Variants in SF3B3 observed in about 807,000 individuals in gnomAD.
SF3B3 encodes the protein splicing factor 3b subunit 3.
SF3B3 carries 33 observed loss-of-function variants against 139.2 expected under a neutral mutation model. The ratio of observed to expected loss-of-function variants is 0.24; its 90% CI spans 0.18 to 0.32. The LOEUF (loss-of-function observed/expected upper bound fraction) is 0.32, where lower values mean the gene tolerates loss of function less well. SF3B3 is among the 10% of genes least tolerant of loss of function. The pLI is 1.00. For missense variants in SF3B3, 818 were observed against 1,509.4 expected, an observed-to-expected ratio of 0.54 and a Z score of 7.59; for synonymous variants, 596 against 563.6, an observed-to-expected ratio of 1.06 and a Z score of -0.81.
Position 70,530,623 on chromosome 16 carries a change from A to C in SF3B3, c.398-122A>C, listed in dbSNP as rs1209640807. ...AGAAAACAGAATCCTGAGTTTTTAT[A>C]CTTGTAGAGTTACTGCTGTTAATAA... is the stretch of plus-strand genomic sequence containing the variant. On this transcript the variant is annotated intron_variant, in intron 3 of 25. Coordinates refer to ENST00000302516, the MANE Select transcript of SF3B3 (RefSeq NM_012426.5). The C allele has an allele frequency of 3.5e-6, 3 of 853,938 alleles. No individual in the cohort carries two copies. In the South Asian group the frequency reaches 5.2e-5, roughly 15 times the overall value. The allele number at this position is 853,938 out of a possible 1,614,324, so 52.9% of individuals were successfully genotyped here.
chr16:70,546,618 T>C (rs1373810524), intron 10 of SF3B3, among the ~76,000 whole-genome samples: 1 of 152,046 alleles, frequency 6.6e-6, no homozygotes, highest in Non-Finnish European at 1.5e-5. Context: ...GCCACTGTAC[T>C]CCAGCTTGGG....
intron 18 of SF3B3, 35 bp downstream of exon 18, chr16:70,564,085 G>T (rs368539163): frequency 3.0e-4 from 481 of 1,599,088 alleles, no homozygotes; most frequent in Non-Finnish European, 3.8e-4. Flanking sequence ...TCTATTAAAA[G>T]ATGTGTGAAA....
intron 10 of SF3B3, among the ~76,000 whole-genome samples, chr16:70,546,760 A>G (rs1460583586): frequency 6.6e-6 from 1 of 152,226 alleles, no homozygotes; most frequent in Admixed American, 6.5e-5. Context: ...TCAAATCTAT[A>G]GACAAACCTT....
At chr16:70,569,937 G>C (rs2050512500) in intron 23 of SF3B3, 69 bp from the exon 24 acceptor site, 1 of 1,578,564 alleles carries the variant, frequency 6.3e-7, no homozygotes, top group Non-Finnish European at 8.7e-7. Flanking sequence ...AGGGAGCACT[G>C]CTTGCCCTTG....
chr16:70,571,435 G>A (rs1181199801), intron 25 of SF3B3, among the ~76,000 whole-genome samples: 6 of 152,114 alleles, frequency 3.9e-5, no homozygotes, highest in African/African-American at 1.2e-4. Context: ...AAGTTTTCCC[G>A]GTCTGGGCGT....
chr16:70,561,812 G>C (rs772235455), intron 17 of SF3B3, 28 bp downstream of exon 17: 2 of 1,604,114 alleles, frequency 1.2e-6, no homozygotes, highest in East Asian at 2.2e-5. Context: ...TTGAAGCTCA[G>C]CAGGAAGCCT....
intron 5 of SF3B3, among the ~76,000 whole-genome samples, chr16:70,534,795 A>C (rs1440172234): frequency 6.6e-6 from 1 of 152,018 alleles, no homozygotes; most frequent in Non-Finnish European, 1.5e-5. Context: ...CAGCCTCCCG[A>C]GTAGCTGGGA....
intron 18 of SF3B3, 66 bp from the exon 19 acceptor site, chr16:70,564,999 A>T: frequency 6.8e-7 from 1 of 1,477,882 alleles, no homozygotes; most frequent in African/African-American, 1.4e-5. Context: ...CTTGCTACCT[A>T]TCCTCTTCTC....
At chr16:70,554,200 T>A (rs557643116) in intron 11 of SF3B3, 1 of 381,938 alleles carries the variant, frequency 2.6e-6, no homozygotes, top group South Asian at 3.6e-5. Flanking sequence ...TGCTTTGTCC[T>A]CTCACTTCTT....
chr16:70,532,199 G>A (rs2050127578), intron 4 of SF3B3, among the ~76,000 whole-genome samples: 1 of 152,032 alleles, frequency 6.6e-6, no homozygotes, highest in Admixed American at 6.6e-5. Flanking sequence ...GGCTGAGGCA[G>A]GAGAATCACT....
intron 1 of SF3B3, 93 bp downstream of exon 1, chr16:70,524,021 CAGTCT>C: frequency 2.5e-6 from 1 of 405,846 alleles, no homozygotes; most frequent in Non-Finnish European, 4.3e-6. Flanking sequence ...GGGTCACGGG[CAGTCT>C]AGGCCCGAGA....
chr16:70,529,028 G>T lies in SF3B3; in HGVS notation c.226G>T (p.Asp76Tyr). The part of the protein sequence containing the change: ...MAFRLTGGTK[D>Y]YIVVGSDSGR... Reference sequence around the variant, plus strand: ...CTTTAGGCTGACAGGTGGCACCAAAGACTACATTGTAGTTGGCAGTGACTC... The same window carrying T: ...CTTTAGGCTGACAGGTGGCACCAAATACTACATTGTAGTTGGCAGTGACTC... The change falls in exon 3 of 26, where the codon GAC becomes TAC. Residue 76 changes from aspartate (D) to tyrosine (Y), a missense_variant. Asp to Tyr is a radical substitution (Grantham distance 160). This residue lies in a region of SF3B3 where 144 missense variants were observed against 259.2 expected (regional missense o/e 0.56). Transcript: ENST00000302516. 2 of 1,614,214 alleles carry T rather than the reference G, an allele frequency of 1.2e-6. No homozygotes were observed. Among genetic ancestry groups the T allele is most frequent in the Non-Finnish European group, 1.7e-6 (2 of 1,180,048 alleles).
intron 11 of SF3B3, among the ~76,000 whole-genome samples, chr16:70,553,880 C>T (rs1332053882): frequency 6.6e-6 from 1 of 152,174 alleles, no homozygotes; most frequent in Non-Finnish European, 1.5e-5. Context: ...CAACCCCCAC[C>T]CTCCATTTCC....
chr16:70,550,659 G>A, intron 11 of SF3B3: 2 of 985,800 alleles, frequency 2.0e-6, no homozygotes, highest in African/African-American at 1.7e-5. Context: ...GGTGGCTGGT[G>A]AAGGTGCTGA....
intron 23 of SF3B3, 107 bp downstream of exon 23, chr16:70,569,248 G>A (rs1305533094): frequency 8.3e-6 from 6 of 719,034 alleles, no homozygotes; most frequent in Non-Finnish European, 1.4e-5. Flanking sequence ...ACACGACTGT[G>A]CTGAGTGCTG....
rs1241436403 is a variant in SF3B3 at position 70,565,428 on chromosome 16, C to T, written c.2730C>T (p.Ala910=). 2.5e-6 allele frequency: 4 copies of T among 1,614,084 alleles called. No homozygotes were observed. ...GEDWYVLVGV[A]KDLILNPRSV... Reference sequence around the variant, plus strand: ...ACTGGTATGTGCTGGTGGGTGTGGCCAAGGACCTGATACTAAACCCCCGAT... The same window carrying T: ...ACTGGTATGTGCTGGTGGGTGTGGCTAAGGACCTGATACTAAACCCCCGAT... Residue 910 remains alanine, a synonymous_variant, in exon 20 of 26, where the codon GCC becomes GCT. Coordinates refer to ENST00000302516, the MANE Select transcript of SF3B3 (RefSeq NM_012426.5).
intron 11 of SF3B3, among the ~76,000 whole-genome samples, chr16:70,548,879 A>C (rs1320646227): frequency 6.6e-6 from 1 of 152,238 alleles, no homozygotes; most frequent in Non-Finnish European, 1.5e-5. Context: ...AAAGCTTGTT[A>C]GTCAATCTTG....
intron 16 of SF3B3, among the ~76,000 whole-genome samples, chr16:70,561,181 C>G (rs2050425157): frequency 6.6e-6 from 1 of 152,140 alleles, no homozygotes; most frequent in Non-Finnish European, 1.5e-5. Context: ...CCACCACGCC[C>G]AGCTAATTTT....
rs1255074126 is a variant in SF3B3, at chr16:70,571,166, C to T, written c.3480C>T (p.His1160=). Residue 1160 remains histidine, a synonymous_variant, in exon 25 of 26, where the codon CAC becomes CAT. Transcript: ENST00000302516. Reference sequence around the variant, plus strand: ...ATCCCCCTCTCTGTGGGCGGGACCACCTCAGCTTTCGCTCCTACTACTTCC... The same window carrying T: ...ATCCCCCTCTCTGTGGGCGGGACCATCTCAGCTTTCGCTCCTACTACTTCC... ...SEHPPLCGRD[H]LSFRSYYFPV... 1 of 1,613,870 alleles carries T rather than the reference C, an allele frequency of 6.2e-7. No individual in the cohort carries two copies. Among genetic ancestry groups the T allele is most frequent in the Non-Finnish European group, 8.5e-7 (1 of 1,179,806 alleles).
Sources: allele counts gnomAD v4.1 joint callset (sites outside exome capture counted in the v4.1 genomes callset), GRCh38; gene constraint gnomAD v4.1.1; regional missense constraint gnomAD v4.1.1; transcripts MANE v1.5; gene names NCBI Gene and HGNC (gene_info 2026-07-23, HGNC 2026-07-21).